Variants in CTNNA3 observed in about 807,000 individuals in gnomAD.
CTNNA3 encodes catenin alpha-3.
A neutral mutation model predicts 95.7 loss-of-function variants in CTNNA3; 76 were observed. The ratio of observed to expected loss-of-function variants is 0.79; its 90% CI spans 0.66 to 0.96. The LOEUF (loss-of-function observed/expected upper bound fraction) is 0.96, where lower values mean the gene tolerates loss of function less well. Among genes scored for constraint, CTNNA3 ranks in the 40% least tolerant of loss-of-function variants. The probability of loss-of-function intolerance (pLI) is 0.00; values close to 1 mark genes in which losing one functional copy is unlikely to be tolerated. For missense variants in CTNNA3, 1,191 were observed against 1,089.8 expected (o/e 1.09, Z -1.31); for synonymous variants, 431 against 374.4 (o/e 1.15, Z -1.74).
At chr10:66,630,819 T>A (rs961686006) in intron 9 of CTNNA3, among the ~76,000 whole-genome samples, 5 of 152,170 alleles carry the variant, frequency 3.3e-5, no homozygotes, top group Non-Finnish European at 5.9e-5. Context: ...AATATAACTG[T>A]GCTGTAAAAG....
intron 11 of CTNNA3, among the ~76,000 whole-genome samples, chr10:66,401,518 AACACACACACACACAC>A (rs140986771): frequency 2.8e-5 from 4 of 143,910 alleles, no homozygotes; most frequent in African/African-American, 5.1e-5. Flanking sequence ...TGTGTCTCAA[AACACACACACACACAC>A]ACACACACAC....
chr10:66,524,332 GT>G (rs1359771587), intron 10 of CTNNA3, among the ~76,000 whole-genome samples: 1 of 152,118 alleles, frequency 6.6e-6, no homozygotes, highest in Non-Finnish European at 1.5e-5. Context: ...TACTAAACAT[GT>G]TAATTACCAT....
chr10:66,410,337 C>T (rs1220979345), intron 11 of CTNNA3, among the ~76,000 whole-genome samples: 1 of 152,168 alleles, frequency 6.6e-6, no homozygotes, highest in African/African-American at 2.4e-5. Context: ...TCACTCTCTT[C>T]CCTCTAGTAG....
rs1589576949 is a variant in CTNNA3 at position 67,705,884 on chromosome 10, A to C, written c.-2+57550T>G. On this transcript the variant is annotated intron_variant, in intron 1 of 17. Transcript: ENST00000684154. ...ACAGGTTCAGTTGCCCACAGCTTGCAGAGTCCAATTAACTAGAGCGAAGTC... is the reference window on the plus strand; with the variant it reads ...ACAGGTTCAGTTGCCCACAGCTTGCCGAGTCCAATTAACTAGAGCGAAGTC... Among the ~76,000 whole-genome samples the C allele has an allele frequency of 2.0e-5, 3 of 152,242 alleles. No individual in the cohort carries two copies. The South Asian group carries it at 6.2e-4, about 32-fold the overall frequency.
intron 10 of CTNNA3, among the ~76,000 whole-genome samples, chr10:66,559,623 A>T (rs1842491686): frequency 6.6e-6 from 1 of 151,806 alleles, no homozygotes; most frequent in African/African-American, 2.4e-5. Context: ...TCAGTTTCTT[A>T]TGCCACCATG....
At chr10:67,114,777 C>A (rs2131978772) in intron 7 of CTNNA3, among the ~76,000 whole-genome samples, 1 of 141,780 alleles carries the variant, frequency 7.1e-6, no homozygotes, top group East Asian at 2.0e-4. Context: ...GGAGAGGATA[C>A]AACCTTCTGT....
chr10:66,993,655 T>C (rs973109242), intron 7 of CTNNA3, among the ~76,000 whole-genome samples: 3 of 151,362 alleles, frequency 2.0e-5, no homozygotes, highest in Admixed American at 6.6e-5. Context: ...AAATGTTTAT[T>C]GAGTACCTAC....
intron 11 of CTNNA3, among the ~76,000 whole-genome samples, chr10:66,433,640 T>A (rs1375814348): frequency 6.6e-6 from 1 of 152,244 alleles, no homozygotes; most frequent in African/African-American, 2.4e-5. Context: ...AGAAGCTCTT[T>A]AGTTTAATTA....
At chr10:67,718,042 G>C (rs1290520341) in intron 1 of CTNNA3, among the ~76,000 whole-genome samples, 1 of 152,098 alleles carries the variant, frequency 6.6e-6, no homozygotes, top group Admixed American at 6.6e-5. Flanking sequence ...CACATCCCTT[G>C]TAAGTTGTAT....
intron 13 of CTNNA3, among the ~76,000 whole-genome samples, chr10:66,273,249 C>T (rs976799119): frequency 1.3e-5 from 2 of 152,064 alleles, no homozygotes; most frequent in Non-Finnish European, 2.9e-5. Flanking sequence ...AACACAAGAA[C>T]TGCAATACTA....
chr10:67,442,721 A>C (rs1846568746), intron 5 of CTNNA3, among the ~76,000 whole-genome samples: 1 of 152,176 alleles, frequency 6.6e-6, no homozygotes, highest in African/African-American at 2.4e-5. Context: ...ACCCAGATAT[A>C]TATCATTAGA....
chr10:66,286,883 A>T (rs1017993128), intron 12 of CTNNA3, among the ~76,000 whole-genome samples: 1 of 152,052 alleles, frequency 6.6e-6, no homozygotes, highest in Non-Finnish European at 1.5e-5. Flanking sequence ...CTTTCTGCCC[A>T]TTCTTCAGAT....
At chr10:67,533,640 A>G (rs1211142039) in intron 4 of CTNNA3, among the ~76,000 whole-genome samples, 1 of 152,202 alleles carries the variant, frequency 6.6e-6, no homozygotes, top group Non-Finnish European at 1.5e-5. Flanking sequence ...GTGCCATGTC[A>G]GGAATCCTTG....
chr10:66,615,251 T>C (rs1266199830), intron 10 of CTNNA3, among the ~76,000 whole-genome samples: 1 of 152,084 alleles, frequency 6.6e-6, no homozygotes, highest in East Asian at 1.9e-4. Flanking sequence ...ATATGAATAA[T>C]GTGCTAGTGT....
At chr10:67,641,032 G>A (rs949098858) in intron 2 of CTNNA3, among the ~76,000 whole-genome samples, 20 of 152,196 alleles carry the variant, frequency 1.3e-4, no homozygotes, top group South Asian at 2.1e-4. Flanking sequence ...AAGAGCTTCC[G>A]CACAGCAAAA....
chr10:67,243,231 A>T (rs1865781908), intron 5 of CTNNA3, among the ~76,000 whole-genome samples: 1 of 152,132 alleles, frequency 6.6e-6, no homozygotes, highest in African/African-American at 2.4e-5. Flanking sequence ...TCAGCTGATC[A>T]AAAAGAAACG....
chr10:66,127,959 C>T (rs1426769918), intron 13 of CTNNA3, among the ~76,000 whole-genome samples: 4 of 152,110 alleles, frequency 2.6e-5, no homozygotes, highest in Non-Finnish European at 5.9e-5. Flanking sequence ...GTAATCCCAG[C>T]TACTTGGGAG....
At chr10:66,557,579 G>A (rs1003883415) in intron 10 of CTNNA3, among the ~76,000 whole-genome samples, 4 of 152,024 alleles carry the variant, frequency 2.6e-5, no homozygotes, top group African/African-American at 9.7e-5. Flanking sequence ...TTTCTGCAAC[G>A]GTAGGATTTT....
At chr10:67,004,389 A>G (rs1419273930) in intron 7 of CTNNA3, among the ~76,000 whole-genome samples, 1 of 152,234 alleles carries the variant, frequency 6.6e-6, no homozygotes, top group African/African-American at 2.4e-5. Flanking sequence ...AAAAGGAGAG[A>G]AATGTATCTT....
Sources: gnomAD v4.1 joint callset for allele counts (sites outside exome capture counted in the v4.1 genomes callset) on GRCh38, gnomAD v4.1.1 for gene constraint, MANE v1.5 for transcripts, NCBI Gene and HGNC (gene_info 2026-07-23, HGNC 2026-07-21) for gene names.